MYO9A: variants seen among roughly 807,000 people sequenced by gnomAD.
The protein encoded by MYO9A is myosin IXA.
In MYO9A, 103 loss-of-function variants were observed where a neutral mutation model predicts 293.3. That is an observed-to-expected ratio of 0.35 (90% CI 0.30 to 0.41). MYO9A has a LOEUF of 0.41. Among genes scored for constraint, MYO9A ranks in the 10% least tolerant of loss-of-function variants. The probability of loss-of-function intolerance (pLI) is 1.00; values close to 1 mark genes in which losing one functional copy is unlikely to be tolerated. For missense variants in MYO9A, 2,685 were observed against 3,033.0 expected (o/e 0.89, Z 2.69); for synonymous variants, 1,001 against 1,035.7 (o/e 0.97, Z 0.64).
At chr15:71,834,079 T>C (rs779731491) in intron 39 of MYO9A, among the ~76,000 whole-genome samples, 3 of 152,030 alleles carry the variant, frequency 2.0e-5, no homozygotes, top group South Asian at 2.1e-4. Context: ...AAGAGGCTAA[T>C]AAAATTTTTA....
intron 9 of MYO9A, among the ~76,000 whole-genome samples, chr15:71,996,969 A>G (rs1047618399): frequency 1.3e-5 from 2 of 152,240 alleles, no homozygotes; most frequent in East Asian, 3.9e-4. Context: ...TTAAAGATAT[A>G]AAAACCCAAA....
intron 1 of MYO9A, among the ~76,000 whole-genome samples, chr15:72,101,021 C>G (rs1273953336): frequency 6.5e-4 from 56 of 86,436 alleles, no homozygotes; most frequent in African/African-American, 2.3e-3. Flanking sequence ...GGGAGGTAGG[C>G]GGGTCAGCCC....
At chr15:72,068,231 TAAAG>T (rs1197535134) in intron 1 of MYO9A, among the ~76,000 whole-genome samples, 4 of 152,172 alleles carry the variant, frequency 2.6e-5, no homozygotes, top group African/African-American at 9.7e-5. Context: ...TCCTATGAGA[TAAAG>T]AATGTCCTAC....
At chr15:71,938,352 A>G (rs1184785812) in intron 16 of MYO9A, among the ~76,000 whole-genome samples, 2 of 151,548 alleles carry the variant, frequency 1.3e-5, no homozygotes, top group Non-Finnish European at 2.9e-5. Context: ...TAAAAAACAA[A>G]ATTTTATGAA....
intron 6 of MYO9A, among the ~76,000 whole-genome samples, chr15:72,018,795 T>C (rs908276274): frequency 4.6e-5 from 7 of 152,164 alleles, no homozygotes; most frequent in Admixed American, 2.6e-4. Flanking sequence ...GAAATAAATA[T>C]TGAATGTGGA....
intron 1 of MYO9A, among the ~76,000 whole-genome samples, chr15:72,109,599 A>G (rs939307080): frequency 6.6e-6 from 1 of 152,108 alleles, no homozygotes; most frequent in African/African-American, 2.4e-5. Flanking sequence ...AAATAAGACA[A>G]AAATATTAGT....
chr15:71,858,717 A>T (rs1442318716), intron 34 of MYO9A: 1 of 63,224 alleles, frequency 1.6e-5, no homozygotes. Context: ...GGGTGGGGGG[A>T]GGGGGGAGGG....
chr15:72,085,027 T>C (rs1350792693), intron 1 of MYO9A, among the ~76,000 whole-genome samples: 1 of 152,244 alleles, frequency 6.6e-6, no homozygotes, highest in Non-Finnish European at 1.5e-5. Flanking sequence ...TCCTGCCTGA[T>C]TGACTGTCTT....
intron 11 of MYO9A, among the ~76,000 whole-genome samples, chr15:71,988,013 G>A (rs1368964660): frequency 2.0e-5 from 3 of 151,922 alleles, no homozygotes; most frequent in African/African-American, 4.8e-5. Context: ...TATATAATAC[G>A]TTTATGGCCA....
chr15:72,028,808 C>T (rs1266432854), intron 3 of MYO9A, among the ~76,000 whole-genome samples: 1 of 152,126 alleles, frequency 6.6e-6, no homozygotes, highest in African/African-American at 2.4e-5. Flanking sequence ...TATATATTTA[C>T]GCTATTGTCA....
chr15:72,033,670 A>G (rs551715367), intron 2 of MYO9A, among the ~76,000 whole-genome samples: 10 of 152,316 alleles, frequency 6.6e-5, no homozygotes, highest in Admixed American at 4.6e-4. Context: ...AAGGGGCACA[A>G]TGGGTGATAA....
In MYO9A at chr15:71,897,723, A is replaced by C. The variant is rs780327253; in HGVS notation, c.4780T>G (p.Leu1594Val). 6.2e-7 allele frequency: 1 copy of C among 1,614,126 alleles called. No individual in the cohort carries two copies. Among genetic ancestry groups the C allele is most frequent in the South Asian group, 1.1e-5 (1 of 91,078 alleles). Residue 1594 changes from leucine (L) to valine (V), a missense_variant, in exon 25 of 42, where the codon TTA (leucine) becomes GTA (valine). Leu to Val is a conservative substitution (Grantham distance 32, BLOSUM62 1). This residue lies in a region of MYO9A where 1,434 missense variants were observed against 1,497.7 expected (regional missense o/e 0.96). Transcript: ENST00000356056. ...LAQKDSSSAH[L>V]PPKDRPVTVF... Reference sequence around the variant, plus strand: ...GTGACAGGTCGGTCCTTTGGGGGTAAGTGAGCAGAGGAACTGTCTTTTTGG... The same window carrying C: ...GTGACAGGTCGGTCCTTTGGGGGTACGTGAGCAGAGGAACTGTCTTTTTGG...
chr15:71,966,699 T>C (rs1378339406), intron 13 of MYO9A, among the ~76,000 whole-genome samples: 1 of 152,142 alleles, frequency 6.6e-6, no homozygotes, highest in Non-Finnish European at 1.5e-5. Flanking sequence ...ACTCCAGTGC[T>C]TCAGTTTACC....
chr15:71,993,610 C>G (rs2076604997), intron 10 of MYO9A: 1 of 152,186 alleles, frequency 6.6e-6, no homozygotes, highest in African/African-American at 2.4e-5. Context: ...TGCTTTCACA[C>G]ACTGCTGCTG....
At chr15:71,958,719 T>C (rs1179112683) in intron 14 of MYO9A, 1 of 152,180 alleles carries the variant, frequency 6.6e-6, no homozygotes, top group African/African-American at 2.4e-5. Flanking sequence ...ATGGAAGCTC[T>C]GTACTAGCCA....
chr15:71,940,552 ATTT>A (rs879570279), intron 15 of MYO9A, among the ~76,000 whole-genome samples: 1 of 151,594 alleles, frequency 6.6e-6, no homozygotes. Context: ...CTGAAATGAA[ATTT>A]TTAAAAGTAT....
rs1197631714 is a variant in MYO9A at position 71,825,086 on chromosome 15, C to CACAT, written c.*1490_*1493dup. 6.6e-6 allele frequency: 1 copy of CACAT among 152,184 alleles called. No homozygotes were observed. Among genetic ancestry groups the CACAT allele is most frequent in the Non-Finnish European group, 1.5e-5 (1 of 68,034 alleles). The allele number at this position is 152,184 out of a possible 1,614,324, so 9.4% of individuals were successfully genotyped here. On this transcript the variant is annotated 3_prime_UTR_variant, in exon 42 of 42. Coordinates refer to ENST00000356056, the MANE Select transcript of MYO9A (RefSeq NM_006901.4). ...TTAGTAACTTTAAAAATAAACATTT[C>CACAT]ACATACTTATCTCAAGAAAGGCTAT... is the stretch of plus-strand genomic sequence containing the variant.
intron 8 of MYO9A, among the ~76,000 whole-genome samples, chr15:72,004,665 G>A (rs2076967678): frequency 6.6e-6 from 1 of 152,126 alleles, no homozygotes; most frequent in South Asian, 2.1e-4. Context: ...TGGTAATGAT[G>A]ATAGTTCTAA....
chr15:72,023,384 G>A (rs940095640), intron 4 of MYO9A, among the ~76,000 whole-genome samples: 2 of 152,168 alleles, frequency 1.3e-5, no homozygotes, highest in African/African-American at 2.4e-5. Flanking sequence ...ACTTTGGGAG[G>A]TGGAGGTGGG....
Sources: allele counts gnomAD v4.1 joint callset (sites outside exome capture counted in the v4.1 genomes callset), GRCh38; gene constraint gnomAD v4.1.1; regional missense constraint gnomAD v4.1.1; transcripts MANE v1.5; gene names NCBI Gene and HGNC (gene_info 2026-07-23, HGNC 2026-07-21).